ZRANB1: variants seen among roughly 807,000 people sequenced by gnomAD.
The protein encoded by ZRANB1 is ubiquitin thioesterase ZRANB1.
In ZRANB1, 16 loss-of-function variants were observed where a neutral mutation model predicts 80.5. The ratio of observed to expected loss-of-function variants is 0.20; its 90% CI spans 0.13 to 0.30. The LOEUF is 0.30. Ranked by LOEUF, ZRANB1 falls within the 10% of genes least tolerant of loss-of-function variation. ZRANB1 has a pLI of 1.00. For synonymous variants in ZRANB1, 291 were observed against 293.1 expected, an observed-to-expected ratio of 0.99 and a Z score of 0.07; for missense variants, 576 against 862.6, an observed-to-expected ratio of 0.67 and a Z score of 4.16.
At chr10:124,958,228 T>G (rs1235906075) in intron 1 of ZRANB1, among the ~76,000 whole-genome samples, 6 of 152,236 alleles carry the variant, frequency 3.9e-5, no homozygotes, top group Non-Finnish European at 8.8e-5. Flanking sequence ...GACTAGCATG[T>G]GCAACGTAGC....
At chr10:124,974,682 A>G (rs879296731) in intron 5 of ZRANB1, among the ~76,000 whole-genome samples, 3 of 152,256 alleles carry the variant, frequency 2.0e-5, no homozygotes, top group Non-Finnish European at 2.9e-5. Context: ...TATTGTTTCT[A>G]TAAGACACAG....
At chr10:124,943,380 T>C in intron 1 of ZRANB1, 73 bp downstream of exon 1, 1 of 1,423,194 alleles carries the variant, frequency 7.0e-7, no homozygotes, top group Non-Finnish European at 9.5e-7. Flanking sequence ...AAGAGCTGGG[T>C]GCGCTGACAC....
At chr10:124,933,887 C>A in the ZRANB1 span, among the ~76,000 whole-genome samples, 658 of 152,224 alleles carry the variant, frequency 4.3e-3, 5 homozygotes, top group African/African-American at 0.015. Flanking sequence ...GCTAGAAATC[C>A]TCCTGAGATG....
At chr10:124,920,945 A>G in the ZRANB1 span, among the ~76,000 whole-genome samples, 2 of 152,094 alleles carry the variant, frequency 1.3e-5, no homozygotes, top group East Asian at 1.9e-4. Context: ...GTATTCTAGG[A>G]TATGCAGTTT....
At chr10:124,917,985 C>G in the ZRANB1 span, among the ~76,000 whole-genome samples, 3 of 152,094 alleles carry the variant, frequency 2.0e-5, no homozygotes, top group African/African-American at 7.2e-5. Context: ...TTGAACCGGC[C>G]CATTATCTTT....
At chr10:124,963,566 T>TTTTTTTTTTTTTTG (rs1564962082) in intron 1 of ZRANB1, among the ~76,000 whole-genome samples, 3 of 134,246 alleles carry the variant, frequency 2.2e-5, no homozygotes, top group Non-Finnish European at 3.1e-5. Flanking sequence ...TTTTTTTTTT[T>TTTTTTTTTTTTTTG]TTTTTTTTTT....
At chr10:124,975,138 A>G (rs570879262) in intron 5 of ZRANB1, among the ~76,000 whole-genome samples, 3 of 152,272 alleles carry the variant, frequency 2.0e-5, no homozygotes, top group Admixed American at 1.3e-4. Flanking sequence ...TTATCTTGAC[A>G]TTGTGTTACA....
intron 4 of ZRANB1, 31 bp downstream of exon 4, chr10:124,973,747 C>G: frequency 6.3e-7 from 1 of 1,586,570 alleles, no homozygotes; most frequent in Non-Finnish European, 8.6e-7. Flanking sequence ...TATAATTTAC[C>G]TTTCATCTGA....
chr10:124,961,159 G>A (rs987662559), intron 1 of ZRANB1, among the ~76,000 whole-genome samples: 1 of 151,816 alleles, frequency 6.6e-6, no homozygotes. Flanking sequence ...ACGCCCCCAC[G>A]CCCGGCTAAT....
At chr10:124,976,388 T>C (rs1951876352) in intron 5 of ZRANB1, among the ~76,000 whole-genome samples, 2 of 152,126 alleles carry the variant, frequency 1.3e-5, no homozygotes, top group African/African-American at 4.8e-5. Flanking sequence ...TGAACCTGGT[T>C]TGGTTCCTAA....
At chr10:124,928,401 A>T in the ZRANB1 span, among the ~76,000 whole-genome samples, 1 of 152,110 alleles carries the variant, frequency 6.6e-6, no homozygotes, top group Non-Finnish European at 1.5e-5. Context: ...TACAGATGTG[A>T]AGAGCCATTA....
Position 124,959,652 on chromosome 10 carries a change from G to A in ZRANB1, c.815-6942G>A, listed in dbSNP as rs150096603. Among the ~76,000 whole-genome samples the A allele has an allele frequency of 5.0e-3, 756 of 152,170 alleles. 4 individuals are homozygous for A. Among genetic ancestry groups the A allele is most frequent in the African/African-American group, 0.015 (614 of 41,524 alleles). ...TGGCTTATTCTTTAAATTTTTTGTG[G>A]AGATTGGGTTTCTCCCAGGCTGGTC... On this transcript the variant is annotated intron_variant, in intron 1 of 8. Transcript: ENST00000359653.
chr10:124,948,140 C>T (rs1951600378), intron 1 of ZRANB1, among the ~76,000 whole-genome samples: 2 of 152,140 alleles, frequency 1.3e-5, no homozygotes, highest in Admixed American at 1.3e-4. Flanking sequence ...TCCTCCCCCT[C>T]CTCAGCCTAC....
At chr10:124,963,550 G>GTTTTTTTTTTTTTTTTTT (rs1564962032) in intron 1 of ZRANB1, among the ~76,000 whole-genome samples, 2 of 75,156 alleles carry the variant, frequency 2.7e-5, no homozygotes, top group Non-Finnish European at 5.2e-5. Context: ...TTTTTTTTTT[G>GTTTTTTTTTTTTTTTTTT]TTTGTTTTTT....
chr10:124,963,798 A>G (rs1951756385), intron 1 of ZRANB1, among the ~76,000 whole-genome samples: 2 of 152,202 alleles, frequency 1.3e-5, no homozygotes, highest in Non-Finnish European at 2.9e-5. Flanking sequence ...TGACATTTTC[A>G]TGAAATTTGA....
At chr10:124,917,520 G>A in the ZRANB1 span, among the ~76,000 whole-genome samples, 2 of 152,144 alleles carry the variant, frequency 1.3e-5, no homozygotes, top group African/African-American at 4.8e-5. Flanking sequence ...CCGACCGCCG[G>A]CCGCCCGTGG....
intron 1 of ZRANB1, among the ~76,000 whole-genome samples, chr10:124,944,307 A>G (rs1951560982): frequency 6.6e-6 from 1 of 152,132 alleles, no homozygotes; most frequent in Non-Finnish European, 1.5e-5. Flanking sequence ...TTTGTGTGGA[A>G]CAATAGCTAA....
At position 124,943,672 on chromosome 10, in the gene ZRANB1, A is replaced by G. The variant is rs567853396; in HGVS notation, c.814+365A>G. Among the ~76,000 whole-genome samples, 7 of 152,320 alleles carry G rather than the reference A, an allele frequency of 4.6e-5. No individual in the cohort carries two copies. In the East Asian group the frequency reaches 7.7e-4, roughly 17 times the overall value. Reference sequence around the variant, plus strand: ...GTAACTTTGTACTAAATTGCCCACAATTAATTGTGTTCATGTCTCTCCATT... The same window carrying G: ...GTAACTTTGTACTAAATTGCCCACAGTTAATTGTGTTCATGTCTCTCCATT... On this transcript the variant is annotated intron_variant, in intron 1 of 8. Coordinates refer to ENST00000359653, the MANE Select transcript of ZRANB1 (RefSeq NM_017580.3).
At chr10:124,921,461 G>C in the ZRANB1 span, among the ~76,000 whole-genome samples, 1 of 152,174 alleles carries the variant, frequency 6.6e-6, no homozygotes, top group Non-Finnish European at 1.5e-5. Context: ...GGTGAATGCT[G>C]ATGCATTTGG....
Sources: gnomAD v4.1 joint callset for allele counts (sites outside exome capture counted in the v4.1 genomes callset) on GRCh38, gnomAD v4.1.1 for gene constraint, MANE v1.5 for transcripts, NCBI Gene and HGNC (gene_info 2026-07-23, HGNC 2026-07-21) for gene names.